Variants in SERPINI1 observed in about 807,000 individuals in gnomAD.
The protein encoded by SERPINI1 is neuroserpin.
Under a neutral mutation model 41.1 loss-of-function variants are expected in SERPINI1, and 19 were observed. The observed-to-expected ratio is 0.46, with a 90% CI of 0.32 to 0.68. The LOEUF is 0.68. SERPINI1 is among the 30% of genes least tolerant of loss of function. SERPINI1 has a pLI of 0.03. For synonymous variants in SERPINI1, 138 were observed against 156.6 expected (o/e 0.88, Z 0.89); for missense variants, 460 against 479.2 (o/e 0.96, Z 0.37).
intron 3 of SERPINI1, 48 bp downstream of exon 3, chr3:167,790,650 T>A (rs528139130): frequency 7.5e-7 from 1 of 1,335,174 alleles, no homozygotes; most frequent in African/African-American, 1.5e-5. Flanking sequence ...GTTTTAACTG[T>A]CTTTAACTTC....
chr3:167,783,086 A>G (rs756063351), intron 1 of SERPINI1, among the ~76,000 whole-genome samples: 1 of 152,188 alleles, frequency 6.6e-6, no homozygotes, highest in Non-Finnish European at 1.5e-5. Flanking sequence ...TATCAAGACA[A>G]TTGATCTGGA....
intron 1 of SERPINI1, among the ~76,000 whole-genome samples, chr3:167,753,495 G>C (rs183654584): frequency 1.6e-4 from 24 of 152,202 alleles, no homozygotes; most frequent in African/African-American, 5.8e-4. Context: ...AACCCTAGTG[G>C]GTTTTTCAAA....
At chr3:167,774,982 C>T (rs946369620) in intron 1 of SERPINI1, among the ~76,000 whole-genome samples, 1 of 151,996 alleles carries the variant, frequency 6.6e-6, no homozygotes, top group Non-Finnish European at 1.5e-5. Flanking sequence ...ATACAAATAC[C>T]ATTTAATATG....
At chr3:167,818,723 G>A (rs1241645531) in intron 6 of SERPINI1, among the ~76,000 whole-genome samples, 1 of 152,022 alleles carries the variant, frequency 6.6e-6, no homozygotes, top group Non-Finnish European at 1.5e-5. Context: ...ATTTTGGTGG[G>A]GCAAGTGCGA....
chr3:167,764,070 A>G (rs1726478158), intron 1 of SERPINI1, among the ~76,000 whole-genome samples: 2 of 152,142 alleles, frequency 1.3e-5, no homozygotes, highest in African/African-American at 4.8e-5. Context: ...TATTGCAAAA[A>G]ACACTTAAAT....
At chr3:167,737,871 G>T (rs1725533616) in intron 1 of SERPINI1, among the ~76,000 whole-genome samples, 1 of 152,040 alleles carries the variant, frequency 6.6e-6, no homozygotes, top group South Asian at 2.1e-4. Context: ...TGAGTTTGTG[G>T]TATTAAAGTA....
chr3:167,772,864 C>CTCTCTCTATA (rs1374013676), intron 1 of SERPINI1, among the ~76,000 whole-genome samples: 32 of 24,610 alleles, frequency 1.3e-3, no homozygotes, highest in East Asian at 6.8e-3. Flanking sequence ...CTCTCTCTCT[C>CTCTCTCTATA]TATATATATA....
At chr3:167,779,530 G>T (rs550556827) in intron 1 of SERPINI1, among the ~76,000 whole-genome samples, 72 of 152,270 alleles carry the variant, frequency 4.7e-4, no homozygotes, top group Non-Finnish European at 8.4e-4. Context: ...CTACAACATA[G>T]AGAGTTGTAA....
At chr3:167,781,807 TATAA>T (rs1184476307) in intron 1 of SERPINI1, among the ~76,000 whole-genome samples, 1 of 152,026 alleles carries the variant, frequency 6.6e-6, no homozygotes, top group Non-Finnish European at 1.5e-5. Flanking sequence ...ATCAATACCT[TATAA>T]ATTAGATGAA....
At chr3:167,818,653 T>G (rs1324275904) in intron 6 of SERPINI1, among the ~76,000 whole-genome samples, 1 of 152,216 alleles carries the variant, frequency 6.6e-6, no homozygotes, top group Non-Finnish European at 1.5e-5. Context: ...CATCTTTGTT[T>G]TCTTTCTCTT....
At chr3:167,768,961 C>T (rs139002071) in intron 1 of SERPINI1, among the ~76,000 whole-genome samples, 2 of 151,292 alleles carry the variant, frequency 1.3e-5, no homozygotes, top group East Asian at 3.9e-4. Context: ...TCCAGGAGCC[C>T]CTCCCTCTAA....
chr3:167,736,607 T>C (rs540050050), intron 1 of SERPINI1, among the ~76,000 whole-genome samples: 1 of 152,194 alleles, frequency 6.6e-6, no homozygotes, highest in Non-Finnish European at 1.5e-5. Flanking sequence ...GGGAATCTTT[T>C]CTCTGGGTAG....
At chr3:167,811,047 C>G (rs1443736832) in intron 6 of SERPINI1, among the ~76,000 whole-genome samples, 2 of 152,028 alleles carry the variant, frequency 1.3e-5, no homozygotes, top group African/African-American at 4.8e-5. Context: ...AGTTCTCTTG[C>G]TGTTTCTACC....
chr3:167,744,942 A>G (rs1248200744), intron 1 of SERPINI1, among the ~76,000 whole-genome samples: 4 of 146,570 alleles, frequency 2.7e-5, no homozygotes, highest in South Asian at 2.1e-4. Flanking sequence ...ATAAGTTAAG[A>G]TACTTTCTCA....
chr3:167,803,074 C>G (rs918226640), intron 5 of SERPINI1, among the ~76,000 whole-genome samples: 3 of 150,032 alleles, frequency 2.0e-5, no homozygotes, highest in East Asian at 2.0e-4. Context: ...GGGAATTGAA[C>G]AATGAGAACA....
intron 1 of SERPINI1, among the ~76,000 whole-genome samples, chr3:167,787,986 C>T (rs1377566028): frequency 6.6e-6 from 1 of 152,148 alleles, no homozygotes; most frequent in Non-Finnish European, 1.5e-5. Context: ...AATGCTCAAC[C>T]ATAATTAAAA....
intron 6 of SERPINI1, among the ~76,000 whole-genome samples, chr3:167,810,131 TC>T (rs376249131): frequency 3.1e-4 from 47 of 152,256 alleles, no homozygotes; most frequent in African/African-American, 1.0e-3. Context: ...CCCCTTTTTT[TC>T]CTCTAAATTA....
intron 1 of SERPINI1, among the ~76,000 whole-genome samples, chr3:167,782,382 G>GA (rs963882418): frequency 1.4e-4 from 21 of 152,038 alleles, no homozygotes; most frequent in African/African-American, 5.1e-4. Flanking sequence ...TCAAAGAGAA[G>GA]AAAAAATTGA....
chr3:167,785,961 A>G (rs1727289522), intron 1 of SERPINI1, among the ~76,000 whole-genome samples: 1 of 152,160 alleles, frequency 6.6e-6, no homozygotes. Flanking sequence ...TCATTAGGCA[A>G]TTTCACTCTT....
Sources: gnomAD v4.1 joint callset for allele counts (sites outside exome capture counted in the v4.1 genomes callset) on GRCh38, gnomAD v4.1.1 for gene constraint, MANE v1.5 for transcripts, NCBI Gene and HGNC (gene_info 2026-07-23, HGNC 2026-07-21) for gene names.